Variants in RHOF observed in about 807,000 individuals in gnomAD.
RHOF encodes rho-related GTP-binding protein RhoF.
A neutral mutation model predicts 22.2 loss-of-function variants in RHOF; 21 were observed. The observed-to-expected ratio is 0.95, with a 90% CI of 0.67 to 1.36. The LOEUF (loss-of-function observed/expected upper bound fraction) is 1.36. Among genes scored for constraint, RHOF ranks in the 40% most tolerant of loss-of-function variants. The probability of loss-of-function intolerance (pLI) is 0.00; values close to 1 mark genes in which losing one functional copy is unlikely to be tolerated. For synonymous variants in RHOF, 135 were observed against 131.2 expected, an observed-to-expected ratio of 1.03 and a Z score of -0.20; for missense variants, 285 against 293.7, an observed-to-expected ratio of 0.97 and a Z score of 0.22.
At chr12:121,786,848 C>T (rs1874621637) in intron 2 of RHOF, among the ~76,000 whole-genome samples, 1 of 152,022 alleles carries the variant, frequency 6.6e-6, no homozygotes, top group African/African-American at 2.4e-5. Context: ...ACCAATCTGG[C>T]CAACATGGTG....
At chr12:121,779,893 C>G (rs184035191) in intron 4 of RHOF, 8 of 524,200 alleles carry the variant, frequency 1.5e-5, no homozygotes, top group African/African-American at 7.5e-5. Context: ...ACCCTGGCCT[C>G]TCTCCAGCTC....
chr12:121,781,522 G>A (rs1017210824), intron 2 of RHOF: 11 of 298,324 alleles, frequency 3.7e-5, no homozygotes, highest in Admixed American at 2.4e-4. Context: ...TGGTGGTAAA[G>A]AATCCTCAAG....
chr12:121,791,763 C>T (rs1484911358), intron 2 of RHOF, among the ~76,000 whole-genome samples: 7 of 152,134 alleles, frequency 4.6e-5, no homozygotes, highest in Admixed American at 3.3e-4. Context: ...TAGGGGAGGC[C>T]CTGATGGCAG....
intron 2 of RHOF, among the ~76,000 whole-genome samples, chr12:121,786,092 T>A (rs902134273): frequency 2.7e-5 from 4 of 150,866 alleles, no homozygotes; most frequent in South Asian, 2.1e-4. Context: ...ATTTTTTTTT[T>A]ATTTTTTTAA....
intron 2 of RHOF, among the ~76,000 whole-genome samples, chr12:121,783,521 T>C (rs1874529705): frequency 2.6e-5 from 4 of 151,824 alleles, no homozygotes; most frequent in Admixed American, 2.6e-4. Context: ...TCGCTCTTGT[T>C]GCCCAGGCTG....
chr12:121,788,476 T>G (rs1874671702), intron 2 of RHOF, among the ~76,000 whole-genome samples: 1 of 148,592 alleles, frequency 6.7e-6, no homozygotes. Context: ...GGCGTGGGGG[T>G]GGTGGGGGGA....
chr12:121,785,890 G>C lies in RHOF; in HGVS notation c.227-4698C>G, dbSNP rs559858399. ...GCCTCCCAAAGTGCTGGGATTACAG[G>C]TGTGAGCCACGTGCCCAGCCTTTTC... is the stretch of plus-strand genomic sequence containing the variant. On this transcript the variant is annotated intron_variant, in intron 2 of 4. Transcript: ENST00000267205. Among the ~76,000 whole-genome samples, 32 of 150,820 alleles carry C rather than the reference G, an allele frequency of 2.1e-4. No individual in the cohort carries two copies. The East Asian group carries it at 4.7e-3, about 22-fold the overall frequency.
chr12:121,784,949 C>G lies in RHOF; in HGVS notation c.227-3757G>C, dbSNP rs116629451. 9.2e-3 allele frequency among the ~76,000 whole-genome samples: 1,395 copies of G among 152,278 alleles called. 10 individuals carry two copies. Among genetic ancestry groups the G allele is most frequent in the African/African-American group, 0.027 (1,118 of 41,542 alleles). On this transcript the variant is annotated intron_variant, in intron 2 of 4. Coordinates refer to ENST00000267205, the MANE Select transcript of RHOF (RefSeq NM_019034.3). The stretch of plus-strand genomic sequence containing the variant: ...AAACCACAGTCTAGAACTCTAGATA[C>G]GCTGTTTTTTTCTATATGTACACAC...
chr12:121,782,085 A>G (rs546799020), intron 2 of RHOF: 1 of 152,166 alleles, frequency 6.6e-6, no homozygotes, highest in African/African-American at 2.4e-5. Flanking sequence ...TCTGACTGTG[A>G]TTCACCACCT....
chr12:121,783,353 G>A (rs1322087967), intron 2 of RHOF, among the ~76,000 whole-genome samples: 27 of 130,610 alleles, frequency 2.1e-4, no homozygotes, highest in African/African-American at 7.3e-4. Flanking sequence ...CAAGAGTCTC[G>A]CTCTGTCACC....
rs771618971 is a variant in RHOF at position 121,779,647 on chromosome 12, C to T, written c.487G>A (p.Glu163Lys). The T allele has an allele frequency of 9.3e-6, 15 of 1,613,964 alleles. No homozygotes were observed. The highest frequency in any genetic ancestry group is 1.6e-4 in the Middle Eastern group (1 of 6,062). ...ITYMQGLSAC[E>K]QIRAALYLEC... ...AGGTAGAGAGCAGCTCGGATCTGTT[C>T]GCAGGCGCTCAGGCCCTGGGTGGGG... Residue 163 changes from glutamate to lysine, a missense_variant, in exon 5 of 5, where the codon GAA (glutamate) becomes AAA (lysine). Coordinates refer to ENST00000267205, the MANE Select transcript of RHOF (RefSeq NM_019034.3).
At chr12:121,791,308 T>C (rs1229869084) in intron 2 of RHOF, among the ~76,000 whole-genome samples, 1 of 152,166 alleles carries the variant, frequency 6.6e-6, no homozygotes, top group Non-Finnish European at 1.5e-5. Flanking sequence ...GGATTTTTAG[T>C]AGAGATGGGG....
chr12:121,781,708 T>C (rs1020701149), intron 2 of RHOF: 1 of 157,652 alleles, frequency 6.3e-6, no homozygotes, highest in Non-Finnish European at 1.4e-5. Flanking sequence ...AGTGGGCTCA[T>C]AGTGTCCCCA....
At chr12:121,786,834 C>T (rs767000074) in intron 2 of RHOF, among the ~76,000 whole-genome samples, 3 of 152,034 alleles carry the variant, frequency 2.0e-5, no homozygotes, top group South Asian at 4.2e-4. Flanking sequence ...GTCAGGAGTT[C>T]GAGACCAATC....
chr12:121,793,056 G>C (rs1213240118), intron 2 of RHOF, 96 bp downstream of exon 2: 3 of 1,076,134 alleles, frequency 2.8e-6, no homozygotes, highest in Admixed American at 2.1e-5. Context: ...GCCCTGCCAA[G>C]GCTGCAGGGC....
Position 121,793,562 on chromosome 12 carries a change from G to A in RHOF, c.72C>T (p.Ile24=). 3 of 1,551,900 alleles carry A rather than the reference G, an allele frequency of 1.9e-6. No individual in the cohort carries two copies. The highest frequency in any genetic ancestry group is 2.4e-5 in the East Asian group (1 of 41,788). ...GPGRKELKIV[I]VGDGGCGKTS... ...TCTTGCCGCAGCCGCCGTCGCCCAC[G>A]ATCACGATCTTCAGCTCCTTCCTGC... is the stretch of plus-strand genomic sequence containing the variant. Residue 24 remains isoleucine (I), a synonymous_variant, in exon 1 of 5, where the codon ATC becomes ATT. Coordinates refer to ENST00000267205, the MANE Select transcript of RHOF (RefSeq NM_019034.3).
chr12:121,781,364 G>A (rs1261899472), intron 2 of RHOF, 172 bp from the exon 3 acceptor site: 15 of 603,900 alleles, frequency 2.5e-5, no homozygotes, highest in South Asian at 5.9e-5. Context: ...GCAGCTACTC[G>A]GGAGGCTGAG....
intron 2 of RHOF, among the ~76,000 whole-genome samples, chr12:121,789,256 C>A (rs560258390): frequency 4.9e-5 from 7 of 142,034 alleles, no homozygotes; most frequent in South Asian, 2.3e-4. Context: ...CAAAAAAAAA[C>A]CCAGGAATTA....
At chr12:121,788,565 A>G (rs1874674808) in intron 2 of RHOF, among the ~76,000 whole-genome samples, 1 of 152,138 alleles carries the variant, frequency 6.6e-6, no homozygotes, top group Non-Finnish European at 1.5e-5. Flanking sequence ...ATTAATAAAT[A>G]CCTTCTCTCA....
Sources: allele counts gnomAD v4.1 joint callset (sites outside exome capture counted in the v4.1 genomes callset), GRCh38; gene constraint gnomAD v4.1.1; transcripts MANE v1.5; gene names NCBI Gene and HGNC (gene_info 2026-07-23, HGNC 2026-07-21).